The following LHFPL3 variants were observed in gnomAD, a reference collection of about 807,000 sequenced individuals.
The protein encoded by LHFPL3 is LHFPL tetraspan subfamily member 3, also known as LHFPL tetraspan subfamily member 3 protein.
LHFPL3 carries 5 observed loss-of-function variants against 19.3 expected under a neutral mutation model. The observed-to-expected ratio is 0.26, with a 90% CI of 0.14 to 0.54. The LOEUF (loss-of-function observed/expected upper bound fraction) is 0.54. LHFPL3 is among the 20% of genes least tolerant of loss of function. LHFPL3 has a pLI of 0.94. For missense variants in LHFPL3, 249 were observed against 307.4 expected (o/e 0.81, Z 1.42); for synonymous variants, 133 against 126.2 (o/e 1.05, Z -0.36).
At chr7:104,799,606 G>A (rs1366096014) in intron 2 of LHFPL3, 1 of 152,606 alleles carries the variant, frequency 6.6e-6, no homozygotes, top group East Asian at 1.9e-4. Context: ...ACATAGTAGA[G>A]GAAGCATGCA....
intron 2 of LHFPL3, among the ~76,000 whole-genome samples, chr7:104,898,589 C>T (rs1792415040): frequency 6.6e-6 from 1 of 152,136 alleles, no homozygotes; most frequent in Non-Finnish European, 1.5e-5. Context: ...GAGAGAGGGG[C>T]ACAATCTCCT....
In LHFPL3 at chr7:104,565,942, G is replaced by C. The variant is rs10275336; in HGVS notation, c.446-170733G>C. On this transcript the variant is annotated intron_variant, in intron 1 of 2. Coordinates refer to ENST00000424859, the MANE Select transcript of LHFPL3 (RefSeq NM_199000.3). ...ACAGAGCCAACAAGCATAATGCACT[G>C]TTAAGGCCCACGGCCAGCCATTCAC... Among the ~76,000 whole-genome samples, 288 of 152,228 alleles carry C rather than the reference G, an allele frequency of 1.9e-3. 1 individual carries two copies. The highest frequency in any genetic ancestry group is 6.7e-3 in the African/African-American group (278 of 41,536).
At chr7:104,659,011 C>T (rs1320371491) in intron 1 of LHFPL3, among the ~76,000 whole-genome samples, 8 of 152,132 alleles carry the variant, frequency 5.3e-5, no homozygotes, top group Non-Finnish European at 7.3e-5. Flanking sequence ...AGAAATTTAC[C>T]GAGGTTCAGT....
intron 1 of LHFPL3, among the ~76,000 whole-genome samples, chr7:104,375,375 T>A (rs778895013): frequency 6.6e-6 from 1 of 151,862 alleles, no homozygotes; most frequent in Non-Finnish European, 1.5e-5. Context: ...AATAATAATA[T>A]AAAGAAAAAT....
At chr7:104,817,518 C>G (rs149900492) in intron 2 of LHFPL3, among the ~76,000 whole-genome samples, 140 of 152,298 alleles carry the variant, frequency 9.2e-4, no homozygotes, top group Non-Finnish European at 1.7e-3. Flanking sequence ...CTCCTAAACG[C>G]TTATTTGATT....
At chr7:104,775,925 T>C (rs1230146111) in intron 2 of LHFPL3, among the ~76,000 whole-genome samples, 1 of 151,986 alleles carries the variant, frequency 6.6e-6, no homozygotes, top group Non-Finnish European at 1.5e-5. Context: ...TGATTTTCCA[T>C]GTGTACTCTC....
At chr7:104,379,451 T>C (rs1037106018) in intron 1 of LHFPL3, among the ~76,000 whole-genome samples, 2 of 152,206 alleles carry the variant, frequency 1.3e-5, no homozygotes, top group African/African-American at 4.8e-5. Flanking sequence ...TGCCCCTTAC[T>C]CCAAGAGGCT....
At chr7:104,884,397 G>A (rs1792110712) in intron 2 of LHFPL3, among the ~76,000 whole-genome samples, 1 of 151,990 alleles carries the variant, frequency 6.6e-6, no homozygotes, top group South Asian at 2.1e-4. Context: ...CCTCTACCTC[G>A]GTATTTCCCA....
chr7:104,757,148 T>A (rs1794300975), intron 2 of LHFPL3, among the ~76,000 whole-genome samples: 1 of 152,194 alleles, frequency 6.6e-6, no homozygotes, highest in Non-Finnish European at 1.5e-5. Flanking sequence ...GATAGCTGGC[T>A]AGCAATATGC....
chr7:104,895,511 A>G (rs1202530005), intron 2 of LHFPL3: 1 of 152,270 alleles, frequency 6.6e-6, no homozygotes, highest in African/African-American at 2.4e-5. Context: ...TAGCTTTCAA[A>G]CTAGATTCCA....
At chr7:104,521,192 C>T (rs1316181141) in intron 1 of LHFPL3, among the ~76,000 whole-genome samples, 1 of 152,098 alleles carries the variant, frequency 6.6e-6, no homozygotes, top group Admixed American at 6.6e-5. Context: ...TTTCTGCCTT[C>T]ATTTCGTTAT....
Position 104,646,347 on chromosome 7 carries a change from C to T in LHFPL3, c.446-90328C>T, listed in dbSNP as rs140996220. On this transcript the variant is annotated intron_variant, in intron 1 of 2. Transcript: ENST00000424859. ...ACTCCAAGTTTTATTTTCTATAGCA[C>T]GCCCTAATCGCTATTAACATTCTTT... is the stretch of plus-strand genomic sequence containing the variant. 2.1e-3 allele frequency among the ~76,000 whole-genome samples: 324 copies of T among 152,246 alleles called. 3 individuals are homozygous for T. Among genetic ancestry groups the T allele is most frequent in the African/African-American group, 7.6e-3 (315 of 41,538 alleles).
At chr7:104,603,068 TTCTTTCTTTCTTTCTTTCTTTCTTTC>T (rs1791004195) in intron 1 of LHFPL3, among the ~76,000 whole-genome samples, 2 of 33,142 alleles carry the variant, frequency 6.0e-5, no homozygotes, top group Non-Finnish European at 1.5e-4. Flanking sequence ...TTCTTTCTTT[TTCTTTCTTTCTTTCTTTCTTTCTTTC>T]TTTCTTTCTT....
chr7:104,708,177 A>C (rs1038582736), intron 1 of LHFPL3, among the ~76,000 whole-genome samples: 1 of 152,238 alleles, frequency 6.6e-6, no homozygotes, highest in Non-Finnish European at 1.5e-5. Flanking sequence ...TTCGCGGTCC[A>C]TAGATCACTT....
At chr7:104,762,869 C>A (rs536301542) in intron 2 of LHFPL3, among the ~76,000 whole-genome samples, 2 of 152,320 alleles carry the variant, frequency 1.3e-5, no homozygotes, top group East Asian at 3.9e-4. Flanking sequence ...CAAGACCCCA[C>A]GCAAGCCTGG....
At chr7:104,517,961 C>A (rs1468220566) in intron 1 of LHFPL3, among the ~76,000 whole-genome samples, 6 of 151,980 alleles carry the variant, frequency 3.9e-5, no homozygotes, top group Non-Finnish European at 8.8e-5. Context: ...CACGTGTATA[C>A]CTATGTAACA....
At chr7:104,474,538 G>C (rs1035219863) in intron 1 of LHFPL3, among the ~76,000 whole-genome samples, 1 of 151,852 alleles carries the variant, frequency 6.6e-6, no homozygotes, top group African/African-American at 2.4e-5. Context: ...ATGGTGGCAG[G>C]TGCCTGAAGT....
intron 1 of LHFPL3, among the ~76,000 whole-genome samples, chr7:104,562,480 C>T (rs2115954125): frequency 6.6e-6 from 1 of 152,294 alleles, no homozygotes; most frequent in East Asian, 1.9e-4. Flanking sequence ...CGCATCGGCT[C>T]CTGAGGCTTC....
chr7:104,456,137 T>C (rs1186306946), intron 1 of LHFPL3, among the ~76,000 whole-genome samples: 1 of 152,184 alleles, frequency 6.6e-6, no homozygotes, highest in African/African-American at 2.4e-5. Context: ...CTACAAATAA[T>C]GAAAGAATAA....
Sources: gnomAD v4.1 joint callset for allele counts (sites outside exome capture counted in the v4.1 genomes callset) on GRCh38, gnomAD v4.1.1 for gene constraint, MANE v1.5 for transcripts, NCBI Gene and HGNC (gene_info 2026-07-23, HGNC 2026-07-21) for gene names.